Variants in GRAMD1B observed in about 807,000 individuals in gnomAD.
The protein encoded by GRAMD1B is GRAM domain containing 1B.
Under a neutral mutation model 99.7 loss-of-function variants are expected in GRAMD1B, and 37 were observed. The ratio of observed to expected loss-of-function variants is 0.37; its 90% CI spans 0.29 to 0.49. The LOEUF is 0.49. Ranked by LOEUF, GRAMD1B falls within the 20% of genes least tolerant of loss-of-function variation. The pLI is 0.98. For missense variants in GRAMD1B, 888 were observed against 1,009.2 expected, an observed-to-expected ratio of 0.88 and a Z score of 1.63; for synonymous variants, 427 against 387.6, an observed-to-expected ratio of 1.10 and a Z score of -1.19.
At chr11:123,575,986 G>A (rs564713256) in intron 2 of GRAMD1B, among the ~76,000 whole-genome samples, 39 of 151,974 alleles carry the variant, frequency 2.6e-4, no homozygotes, top group African/African-American at 8.4e-4. Flanking sequence ...CTTTTCTCTG[G>A]TCTCCTTTTT....
At chr11:123,402,619 CCAGGTCT>C (rs1301484672) in intron 1 of GRAMD1B, among the ~76,000 whole-genome samples, 5 of 152,184 alleles carry the variant, frequency 3.3e-5, no homozygotes, top group African/African-American at 1.2e-4. Context: ...GGATTCAAGG[CCAGGTCT>C]ACCTGGTTCT....
intron 2 of GRAMD1B, chr11:123,526,122 G>A (rs758860382): frequency 6.3e-5 from 102 of 1,610,052 alleles, no homozygotes; most frequent in Admixed American, 1.5e-4. Flanking sequence ...CTAAGGACAC[G>A]GTCAGTGGAT....
intron 1 of GRAMD1B, among the ~76,000 whole-genome samples, chr11:123,403,734 G>A (rs902477580): frequency 7.3e-5 from 11 of 151,714 alleles, no homozygotes; most frequent in African/African-American, 2.2e-4. Flanking sequence ...AGTAGAGAGG[G>A]GGTTTCGCTA....
At chr11:123,415,901 C>A (rs1277140373) in intron 1 of GRAMD1B, among the ~76,000 whole-genome samples, 1 of 152,070 alleles carries the variant, frequency 6.6e-6, no homozygotes, top group Non-Finnish European at 1.5e-5. Context: ...AGCCTTTTTT[C>A]AAAAACCACA....
upstream of GRAMD1B, among the ~76,000 whole-genome samples, chr11:123,426,159 A>G (rs1203506168): frequency 6.6e-6 from 1 of 152,206 alleles, no homozygotes; most frequent in East Asian, 1.9e-4. Context: ...TTCTACTTTA[A>G]AAAGAAACAA....
chr11:123,469,972 A>T (rs1396026291), intron 1 of GRAMD1B, among the ~76,000 whole-genome samples: 2 of 152,220 alleles, frequency 1.3e-5, no homozygotes, highest in African/African-American at 4.8e-5. Context: ...ACTCTGATGT[A>T]AATATGTATG....
At chr11:123,568,687 A>T (rs1947692884) in intron 2 of GRAMD1B, among the ~76,000 whole-genome samples, 1 of 152,196 alleles carries the variant, frequency 6.6e-6, no homozygotes, top group South Asian at 2.1e-4. Context: ...TGCTAAATCT[A>T]GGCCGAAGTG....
intron 2 of GRAMD1B, among the ~76,000 whole-genome samples, chr11:123,513,356 G>C (rs78257849): frequency 0.03 from 4,606 of 151,838 alleles, 233 homozygotes; most frequent in African/African-American, 0.11. Context: ...GGTTCTATTA[G>C]TCCACTGCAT....
At chr11:123,415,192 A>G (rs2953191) in intron 1 of GRAMD1B, among the ~76,000 whole-genome samples, 87,545 of 146,244 alleles carry the variant, frequency 0.6, 28,673 homozygotes, top group African/African-American at 0.9. Flanking sequence ...AACCTCCGCC[A>G]ACCAGGTTCA....
At chr11:123,466,148 C>G (rs765397910) in intron 1 of GRAMD1B, among the ~76,000 whole-genome samples, 1 of 151,604 alleles carries the variant, frequency 6.6e-6, no homozygotes, top group African/African-American at 2.4e-5. Context: ...TGGTGGTGGA[C>G]GCCTGTTATA....
chr11:123,440,810 C>T (rs1010175393), intron 1 of GRAMD1B, among the ~76,000 whole-genome samples: 5 of 152,098 alleles, frequency 3.3e-5, no homozygotes, highest in Non-Finnish European at 5.9e-5. Flanking sequence ...GGCTTGGCTG[C>T]GTCCCCACCC....
At chr11:123,390,273 A>G (rs1454901511) in intron 1 of GRAMD1B, among the ~76,000 whole-genome samples, 1 of 152,214 alleles carries the variant, frequency 6.6e-6, no homozygotes, top group African/African-American at 2.4e-5. Context: ...GTCCAATGAC[A>G]TGAAATAAAT....
At chr11:123,497,014 T>C (rs1210081317) in intron 2 of GRAMD1B, among the ~76,000 whole-genome samples, 1 of 152,202 alleles carries the variant, frequency 6.6e-6, no homozygotes, top group African/African-American at 2.4e-5. Flanking sequence ...TTGATGCTTG[T>C]AGATGTTCTT....
chr11:123,413,214 T>C (rs2714059), intron 1 of GRAMD1B, among the ~76,000 whole-genome samples: 60,426 of 151,932 alleles, frequency 0.4, 13,942 homozygotes, highest in African/African-American at 0.65. Flanking sequence ...GGACTCTCCC[T>C]CTTATTCAAA....
intron 4 of GRAMD1B, among the ~76,000 whole-genome samples, chr11:123,585,159 C>T (rs1056705670): frequency 6.6e-6 from 1 of 152,196 alleles, no homozygotes; most frequent in African/African-American, 2.4e-5. Context: ...GGAAAGCCAT[C>T]TTTGCCCCCT....
At chr11:123,532,395 C>A (rs1183115283) in intron 2 of GRAMD1B, among the ~76,000 whole-genome samples, 1 of 152,204 alleles carries the variant, frequency 6.6e-6, no homozygotes, top group Non-Finnish European at 1.5e-5. Context: ...CGTGGCCCTG[C>A]CTGACTGCAG....
rs1953458640 is a variant in GRAMD1B at position 123,610,974 on chromosome 11, C to T, written c.1919+636C>T. On this transcript the variant is annotated intron_variant, in intron 14 of 19. Transcript: ENST00000635736. The surrounding 1 kb of genome is among the most constrained non-coding windows in gnomAD (Gnocchi z 4.1). ...ATTTAGACCCTGACATTTTAAGAAACTTGTAGTCTAATTGAAAAGGCAAGA... is the reference window on the plus strand; with the variant it reads ...ATTTAGACCCTGACATTTTAAGAAATTTGTAGTCTAATTGAAAAGGCAAGA... Among the ~76,000 whole-genome samples, 1 of 152,166 alleles carries T rather than the reference C, an allele frequency of 6.6e-6. No homozygotes were observed. The highest frequency in any genetic ancestry group is 1.5e-5 in the Non-Finnish European group (1 of 68,036).
At chr11:123,556,385 C>T (rs1252891490) in intron 2 of GRAMD1B, among the ~76,000 whole-genome samples, 1 of 152,174 alleles carries the variant, frequency 6.6e-6, no homozygotes, top group African/African-American at 2.4e-5. Flanking sequence ...TGCATGTCAA[C>T]AAAGATTATC....
At chr11:123,381,730 T>G (rs998711851) in intron 1 of GRAMD1B, among the ~76,000 whole-genome samples, 1 of 152,228 alleles carries the variant, frequency 6.6e-6, no homozygotes, top group Admixed American at 6.5e-5. Flanking sequence ...GGTCACCATC[T>G]CTTGGAACTA....
Sources: gnomAD v4.1 joint callset for allele counts (sites outside exome capture counted in the v4.1 genomes callset) on GRCh38, gnomAD v4.1.1 for gene constraint, Gnocchi (gnomAD v3.1) non-coding constraint, MANE v1.5 for transcripts, NCBI Gene and HGNC (gene_info 2026-07-23, HGNC 2026-07-21) for gene names.